Variants in SULF2 observed in about 807,000 individuals in gnomAD.
SULF2 encodes the protein extracellular sulfatase Sulf-2.
In SULF2, 52 loss-of-function variants were observed where a neutral mutation model predicts 107.7. The ratio of observed to expected loss-of-function variants is 0.48; its 90% confidence interval spans 0.39 to 0.61. The LOEUF (loss-of-function observed/expected upper bound fraction) is 0.61, where lower values mean the gene tolerates loss of function less well. SULF2 is among the 20% of genes least tolerant of loss of function. SULF2 has a pLI of 0.00. For missense variants in SULF2, 993 were observed against 1,177.3 expected, an observed-to-expected ratio of 0.84 and a Z score of 2.29; for synonymous variants, 460 against 464.3, an observed-to-expected ratio of 0.99 and a Z score of 0.12.
chr20:47,704,443 T>C (rs781719069), intron 3 of SULF2, among the ~76,000 whole-genome samples: 1 of 152,034 alleles, frequency 6.6e-6, no homozygotes, highest in African/African-American at 2.4e-5. Flanking sequence ...TGGCTTATTT[T>C]TGTAGTTTTT....
At chr20:47,733,821 T>C (rs148632587) in intron 3 of SULF2, among the ~76,000 whole-genome samples, 22 of 152,266 alleles carry the variant, frequency 1.4e-4, no homozygotes, top group Middle Eastern at 3.4e-3. Flanking sequence ...TCTCGAAACA[T>C]TGTAGTTTCA....
At chr20:47,742,793 C>T (rs2089915660) in intron 2 of SULF2, among the ~76,000 whole-genome samples, 1 of 152,114 alleles carries the variant, frequency 6.6e-6, no homozygotes. Flanking sequence ...TTTTGCTGAC[C>T]TGCCACAGAT....
At chr20:47,734,771 C>T (rs1442559722) in intron 3 of SULF2, among the ~76,000 whole-genome samples, 1 of 152,140 alleles carries the variant, frequency 6.6e-6, no homozygotes, top group Non-Finnish European at 1.5e-5. Flanking sequence ...CGTAAATGTT[C>T]TCGGTATCTG....
chr20:47,714,646 T>G (rs2089052753), intron 3 of SULF2, among the ~76,000 whole-genome samples: 1 of 152,158 alleles, frequency 6.6e-6, no homozygotes, highest in South Asian at 2.1e-4. Flanking sequence ...GCAAAGCCCT[T>G]CAGTGGCTCC....
chr20:47,782,582 C>G (rs961593483), intron 1 of SULF2, among the ~76,000 whole-genome samples: 1 of 152,206 alleles, frequency 6.6e-6, no homozygotes, highest in Non-Finnish European at 1.5e-5. Flanking sequence ...GAGACTCCAT[C>G]ACCAACCACA....
At chr20:47,750,195 T>C (rs2090130712) in intron 2 of SULF2, among the ~76,000 whole-genome samples, 1 of 152,218 alleles carries the variant, frequency 6.6e-6, no homozygotes, top group African/African-American at 2.4e-5. Context: ...TTGGCCAGGA[T>C]GGTCTCGATC....
chr20:47,708,903 C>G (rs2088832861), intron 3 of SULF2, among the ~76,000 whole-genome samples: 1 of 152,184 alleles, frequency 6.6e-6, no homozygotes, highest in African/African-American at 2.4e-5. Flanking sequence ...CGTCTCTTTC[C>G]TTTCTCCAAC....
At position 47,659,466 on chromosome 20, in the gene SULF2, T is replaced by C. The variant is rs1241799560; in HGVS notation, c.2529-14A>G. 6.2e-7 allele frequency: 1 copy of C among 1,613,700 alleles called. No homozygotes were observed. Among genetic ancestry groups the C allele is most frequent in the Non-Finnish European group, 8.5e-7 (1 of 1,179,662 alleles). ...CGCTGAAACTGCCTAAGTTTTCAAG[T>C]GTCAAAGGAGAATGAATGTTAACCA... On this transcript the variant is annotated splice_polypyrimidine_tract_variant and intron_variant, in intron 19 of 20. Coordinates refer to ENST00000688720, the MANE Select transcript of SULF2 (RefSeq NM_001387048.1).
intron 3 of SULF2, among the ~76,000 whole-genome samples, chr20:47,705,673 A>G (rs1734169426): frequency 6.6e-6 from 1 of 152,108 alleles, no homozygotes; most frequent in African/African-American, 2.4e-5. Context: ...TGTGCTGTTG[A>G]TATCTGGTGG....
intron 3 of SULF2, among the ~76,000 whole-genome samples, chr20:47,712,692 A>G (rs1228375019): frequency 2.0e-5 from 3 of 151,890 alleles, no homozygotes; most frequent in Admixed American, 6.6e-5. Flanking sequence ...TAAGCGTCAC[A>G]CCCCTCGCCC....
At chr20:47,769,567 G>T (rs564482749) in intron 1 of SULF2, among the ~76,000 whole-genome samples, 176 of 152,200 alleles carry the variant, frequency 1.2e-3, no homozygotes, top group African/African-American at 4.1e-3. Context: ...TCTCTTGGTT[G>T]CCTGACGCCA....
At chr20:47,704,757 G>T (rs2088675779) in intron 3 of SULF2, among the ~76,000 whole-genome samples, 1 of 152,226 alleles carries the variant, frequency 6.6e-6, no homozygotes, top group African/African-American at 2.4e-5. Context: ...TTGTAGGGAT[G>T]TAAGGAGATC....
intron 1 of SULF2, among the ~76,000 whole-genome samples, chr20:47,768,216 C>T (rs554661290): frequency 3.0e-4 from 46 of 151,776 alleles, no homozygotes; most frequent in African/African-American, 1.0e-3. Flanking sequence ...GCCAACACAC[C>T]GAACACAGCA....
intron 10 of SULF2, among the ~76,000 whole-genome samples, chr20:47,674,816 G>A (rs1331257165): frequency 2.6e-5 from 4 of 152,250 alleles, no homozygotes; most frequent in African/African-American, 4.8e-5. Context: ...CAGAAGGCAC[G>A]GCACAAGCAG....
chr20:47,731,666 C>G (rs1393465349), intron 3 of SULF2, among the ~76,000 whole-genome samples: 1 of 152,216 alleles, frequency 6.6e-6, no homozygotes, highest in African/African-American at 2.4e-5. Flanking sequence ...ACATCACCTC[C>G]TCAGAACCGA....
intron 15 of SULF2, 99 bp from the exon 16 acceptor site, chr20:47,663,721 C>T (rs1262707554): frequency 2.9e-6 from 4 of 1,359,398 alleles, no homozygotes; most frequent in East Asian, 2.3e-5. Flanking sequence ...GCTGAGGCTT[C>T]TCCAACAGAG....
intron 15 of SULF2, among the ~76,000 whole-genome samples, 181 bp downstream of exon 15, chr20:47,663,949 A>AG (rs1035750007): frequency 6.6e-6 from 1 of 152,096 alleles, no homozygotes; most frequent in Admixed American, 6.5e-5. Flanking sequence ...TTTAGCCACA[A>AG]GGGGGCGTCG....
chr20:47,780,216 C>G (rs1332066965), intron 1 of SULF2, among the ~76,000 whole-genome samples: 1 of 151,952 alleles, frequency 6.6e-6, no homozygotes. Flanking sequence ...GAGGTTTCAC[C>G]GTGTTGGTCA....
chr20:47,756,499 C>T (rs369983949), intron 2 of SULF2, among the ~76,000 whole-genome samples: 14 of 152,266 alleles, frequency 9.2e-5, no homozygotes, highest in Admixed American at 7.2e-4. Flanking sequence ...ACCTAGTCAA[C>T]CTTCACATTT....
Sources: allele counts gnomAD v4.1 joint callset (sites outside exome capture counted in the v4.1 genomes callset), GRCh38; gene constraint gnomAD v4.1.1; transcripts MANE v1.5; gene names NCBI Gene and HGNC (gene_info 2026-07-23, HGNC 2026-07-21).